COL6A2: variants seen among roughly 807,000 people sequenced by gnomAD.
The protein encoded by COL6A2 is collagen alpha-2(VI) chain.
A neutral mutation model predicts 124.9 loss-of-function variants in COL6A2; 90 were observed. The ratio of observed to expected loss-of-function variants is 0.72; its 90% CI spans 0.61 to 0.86. The LOEUF (loss-of-function observed/expected upper bound fraction) is 0.86. Among genes scored for constraint, COL6A2 ranks in the 40% least tolerant of loss-of-function variants. The probability of loss-of-function intolerance (pLI) is 0.00; values close to 1 mark genes in which losing one functional copy is unlikely to be tolerated. For synonymous variants in COL6A2, 793 were observed against 618.2 expected (o/e 1.28, Z -4.19); for missense variants, 1,607 against 1,502.5 (o/e 1.07, Z -1.15).
At chr21:46,102,562 G>C (rs2078298575) in intron 1 of COL6A2, among the ~76,000 whole-genome samples, 1 of 151,970 alleles carries the variant, frequency 6.6e-6, no homozygotes, top group Non-Finnish European at 1.5e-5. Flanking sequence ...TGTTAAGGTT[G>C]TTTCCTTCTA....
intron 21 of COL6A2, among the ~76,000 whole-genome samples, chr21:46,123,636 G>T (rs529474591): frequency 1.3e-5 from 2 of 152,116 alleles, no homozygotes; most frequent in Admixed American, 1.3e-4. Flanking sequence ...TGAGTGGGTG[G>T]GTGGATGGAT....
In COL6A2 at chr21:46,098,166, G is replaced by C. The variant is rs2078245730; in HGVS notation, c.-35G>C. 6.6e-6 allele frequency: 1 copy of C among 152,146 alleles called. No individual in the cohort carries two copies. The highest frequency in any genetic ancestry group is 2.4e-5 in the African/African-American group (1 of 41,418). The allele number at this position is 152,146 out of a possible 1,614,324, so 9.4% of individuals were successfully genotyped here. The stretch of plus-strand genomic sequence containing the variant: ...GGGCCGTCGGGAGCGGAGCCTCCTC[G>C]GGACCAGGTGAGCGCCTCCCGGACC... On this transcript the variant is annotated 5_prime_UTR_variant, in exon 1 of 28. Transcript: ENST00000300527.
In COL6A2 at chr21:46,126,029, G is replaced by A. The variant is rs2078660124; in HGVS notation, c.2214G>A (p.Arg738=). 6.2e-7 allele frequency: 1 copy of A among 1,612,992 alleles called. No homozygotes were observed. Among genetic ancestry groups the A allele is most frequent in the African/African-American group, 1.3e-5 (1 of 75,034 alleles). The change falls in exon 26 of 28, where the codon CGG becomes CGA. Residue 738 remains arginine (R), a synonymous_variant. Transcript: ENST00000300527. ...VVITDGRHDP[R]DDDLNLRALC... ...TCACGGACGGGCGCCACGACCCTCGGGACGATGACCTCAACTTGCGGGCGC... is the reference window on the plus strand; with the variant it reads ...TCACGGACGGGCGCCACGACCCTCGAGACGATGACCTCAACTTGCGGGCGC...
intron 13 of COL6A2, 75 bp downstream of exon 13, chr21:46,118,751 T>G (rs2078515552): frequency 6.0e-6 from 9 of 1,498,354 alleles, no homozygotes; most frequent in Non-Finnish European, 6.4e-6. Flanking sequence ...ACAGTCACGC[T>G]GGCCACCATC....
rs765722770 is a variant in COL6A2, at chr21:46,125,845, A to AT, written c.2030_2031insT (p.Asp678ArgfsTer64). On this transcript the variant is annotated frameshift_variant, in exon 26 of 28. Coordinates refer to ENST00000300527, the MANE Select transcript of COL6A2 (RefSeq NM_001849.4). LOFTEE classifies it high-confidence loss of function. ...GGCACCTTTGAGGCCATCCAGCTGG[A>AT]CGACGAACGTATCGACTCCCTGTCG... is the stretch of plus-strand genomic sequence containing the variant. 6.2e-7 allele frequency: 1 copy of AT among 1,612,848 alleles called. No homozygotes were observed. The highest frequency in any genetic ancestry group is 8.5e-7 in the Non-Finnish European group (1 of 1,179,964).
At chr21:46,108,094 A>C (rs2078354702) in intron 1 of COL6A2, among the ~76,000 whole-genome samples, 1 of 137,550 alleles carries the variant, frequency 7.3e-6, no homozygotes, top group African/African-American at 3.0e-5. Flanking sequence ...CTCTCTGTCT[A>C]TATATATATA....
rs1477827388 is a variant in COL6A2 at position 46,125,819 on chromosome 21, G to C, written c.2004G>C (p.Glu668Asp). 6.2e-7 allele frequency: 1 copy of C among 1,612,864 alleles called. No homozygotes were observed. The highest frequency in any genetic ancestry group is 8.5e-7 in the Non-Finnish European group (1 of 1,179,964). The change falls in exon 26 of 28, where the codon GAG becomes GAC. Residue 668 changes from glutamate to aspartate, a missense_variant. By Grantham distance (45) the Glu-to-Asp change is conservative (BLOSUM62 2). This residue lies in a region of COL6A2 where 1,223 missense variants were observed against 1,052.2 expected (regional missense o/e 1.16). Coordinates refer to ENST00000300527, the MANE Select transcript of COL6A2 (RefSeq NM_001849.4). The part of the protein sequence containing the change: ...TRVGVVQYSH[E>D]GTFEAIQLDD... ...TGGGCGTGGTGCAGTACAGCCACGA[G>C]GGCACCTTTGAGGCCATCCAGCTGG...
chr21:46,112,765 G>A (rs781305349), intron 3 of COL6A2, 39 bp from the exon 4 acceptor site: 8 of 1,613,692 alleles, frequency 5.0e-6, no homozygotes, highest in South Asian at 4.4e-5. Context: ...CCCAGGTCTC[G>A]AGGCACACGG....
At chr21:46,126,592 G>A in intron 27 of COL6A2, 51 bp downstream of exon 27, 1 of 1,610,568 alleles carries the variant, frequency 6.2e-7, no homozygotes, top group Middle Eastern at 1.7e-4. Flanking sequence ...AGCAGCCCTG[G>A]TGTCCTTCCT....
rs2078588779 is a variant in COL6A2 at position 46,122,872 on chromosome 21, C to T, written c.1609-3C>T. The T allele has an allele frequency of 1.9e-6, 3 of 1,613,096 alleles. No individual in the cohort carries two copies. The highest frequency in any genetic ancestry group is 1.3e-5 in the African/African-American group (1 of 74,914). ...CCAGGCTAACATGTGTTCCCTGTCACAGGGAGGCCGAGGCGACTTTGGCTT... is the reference window on the plus strand; with the variant it reads ...CCAGGCTAACATGTGTTCCCTGTCATAGGGAGGCCGAGGCGACTTTGGCTT... On this transcript the variant is annotated splice_region_variant and splice_polypyrimidine_tract_variant and intron_variant, in intron 20 of 27. Coordinates refer to ENST00000300527, the MANE Select transcript of COL6A2 (RefSeq NM_001849.4).
Position 46,124,548 on chromosome 21 carries a change from C to T in COL6A2, c.1672-103C>T, listed in dbSNP as rs578237447. On this transcript the variant is annotated intron_variant, in intron 21 of 27. Coordinates refer to ENST00000300527, the MANE Select transcript of COL6A2 (RefSeq NM_001849.4). The stretch of plus-strand genomic sequence containing the variant: ...CCTTGCACCTGTTAGCCCCCCCCCC[C>T]GCCAAGGGAGGACCCGTGGTTGGGG... The T allele has an allele frequency of 4.2e-4, 437 of 1,041,182 alleles. 1 individual carries two copies. Among genetic ancestry groups the T allele is most frequent in the African/African-American group, 6.6e-4 (41 of 62,004 alleles). The allele number at this position is 1,041,182 out of a possible 1,614,324, so 64.5% of individuals were successfully genotyped here. A position where few individuals can be genotyped will look rare whatever the true frequency, so the allele number is the denominator to read the frequency against.
Position 46,132,816 on chromosome 21 carries a change from G to C in COL6A2, c.*264G>C. ...ACCTACCTGGCCCCTGAGCTCTGGAGCAAGCCCTGACCCAATAAAGGCTTT... is the reference window on the plus strand; with the variant it reads ...ACCTACCTGGCCCCTGAGCTCTGGACCAAGCCCTGACCCAATAAAGGCTTT... On this transcript the variant is annotated 3_prime_UTR_variant, in exon 28 of 28. Transcript: ENST00000300527. 1.8e-6 allele frequency: 1 copy of C among 566,310 alleles called. No homozygotes were observed. Among genetic ancestry groups the C allele is most frequent in the Non-Finnish European group, 3.2e-6 (1 of 314,690 alleles). 35.1% of individuals were successfully genotyped at this position (566,310 alleles called of 1,614,324 possible). A position where few individuals can be genotyped will look rare whatever the true frequency, so the allele number is the denominator to read the frequency against.
At chr21:46,120,890 G>A (rs546595822) in intron 16 of COL6A2, among the ~76,000 whole-genome samples, 171 bp from the exon 17 acceptor site, 3 of 152,276 alleles carry the variant, frequency 2.0e-5, no homozygotes, top group Middle Eastern at 3.4e-3. Flanking sequence ...TCCACTCAGT[G>A]TGCTCAGGGC....
chr21:46,120,697 G>T, intron 16 of COL6A2, 120 bp downstream of exon 16: 1 of 973,724 alleles, frequency 1.0e-6, no homozygotes. Flanking sequence ...GGTGGGTGCT[G>T]CACCCCAAGG....
At chr21:46,126,649 C>G in intron 27 of COL6A2, 108 bp downstream of exon 27, 1 of 1,345,566 alleles carries the variant, frequency 7.4e-7, no homozygotes. Context: ...ACCCGGGGGG[C>G]GGCGGAGCCA....
Position 46,121,558 on chromosome 21 carries a change from A to C in COL6A2, c.1461A>C (p.Gly487=). The C allele has an allele frequency of 6.2e-7, 1 of 1,612,766 alleles. No homozygotes were observed. The highest frequency in any genetic ancestry group is 8.5e-7 in the Non-Finnish European group (1 of 1,179,918). Residue 487 remains glycine (G), a splice_region_variant and synonymous_variant, in exon 18 of 28, where the codon GGA becomes GGC. Transcript: ENST00000300527. ...QGALGEPGKQ[G]SRGDPGDAGP... ...CTGAATTTCTCTCCTGCCCTCAGGGATCTCGGGGAGACCCCGGTGATGCAG... is the reference window on the plus strand; with the variant it reads ...CTGAATTTCTCTCCTGCCCTCAGGGCTCTCGGGGAGACCCCGGTGATGCAG...
intron 11 of COL6A2, 90 bp downstream of exon 11, chr21:46,117,543 G>T (rs1601228598): frequency 2.3e-6 from 3 of 1,323,708 alleles, no homozygotes; most frequent in East Asian, 4.8e-5. Flanking sequence ...TGCAGTGGGA[G>T]CGTGGGTTCT....
rs1469684228 is a variant in COL6A2, at chr21:46,116,030, C to T, written c.877C>T (p.Pro293Ser). The part of the protein sequence containing the change: ...GRQGDPGIEG[P>S]IGFPGPKGVP... ...ACAGGGAGACCCGGGCATCGAAGGC[C>T]CCATTGGATTCCCAGGACCCAAGGT... Residue 293 changes from proline to serine, a missense_variant, in exon 7 of 28, where the codon CCC (proline) becomes TCC (serine). By Grantham distance (74) the Pro-to-Ser change is moderately conservative (BLOSUM62 -1). Around this residue, in one of 3 missense-constraint regions of COL6A2, gnomAD observed 42 missense variants for 68.7 expected, o/e 0.61. Transcript: ENST00000300527. The surrounding 1 kb of genome is among the most constrained non-coding windows in gnomAD (Gnocchi z 4.6). The T allele has an allele frequency of 1.2e-6, 2 of 1,601,754 alleles. No homozygotes were observed. Among genetic ancestry groups the T allele is most frequent in the Non-Finnish European group, 1.7e-6 (2 of 1,174,838 alleles).
chr21:46,126,382 T>G, intron 26 of COL6A2, 121 bp from the exon 27 acceptor site: 2 of 1,530,096 alleles, frequency 1.3e-6, no homozygotes, highest in Non-Finnish European at 1.8e-6. Context: ...TCGGGCCCTC[T>G]CGGGGCTGCA....
Sources: allele counts gnomAD v4.1 joint callset (sites outside exome capture counted in the v4.1 genomes callset), GRCh38; gene constraint gnomAD v4.1.1; regional missense constraint gnomAD v4.1.1; non-coding constraint Gnocchi (gnomAD v3.1); transcripts MANE v1.5; gene names NCBI Gene and HGNC (gene_info 2026-07-23, HGNC 2026-07-21).